Variants in DISP3 observed in about 807,000 individuals in gnomAD.
DISP3 encodes the protein dispatched RND transporter family member 3.
DISP3 carries 101 observed loss-of-function variants against 135.3 expected under a neutral mutation model. That is an observed-to-expected ratio of 0.75 (90% CI 0.64 to 0.88). The LOEUF is 0.88. DISP3 is among the 40% of genes least tolerant of loss of function. The probability of loss-of-function intolerance (pLI) is 0.00; values close to 1 mark genes in which losing one functional copy is unlikely to be tolerated. For missense variants in DISP3, 1,713 were observed against 1,878.6 expected (o/e 0.91, Z 1.63); for synonymous variants, 856 against 817.0 (o/e 1.05, Z -0.81).
intron 10 of DISP3, among the ~76,000 whole-genome samples, chr1:11,522,634 G>A (rs1642245363): frequency 7.7e-6 from 1 of 129,706 alleles, no homozygotes; most frequent in Non-Finnish European, 1.7e-5. Context: ...CCAGAGCCCA[G>A]CCAGAGCCCA....
In DISP3 at chr1:11,536,386, C is replaced by T. The variant is rs769307396; in HGVS notation, c.3879C>T (p.Ile1293=). The change falls in exon 21 of 21, where the codon ATC becomes ATT. Residue 1293 remains isoleucine (I), a synonymous_variant. Transcript: ENST00000294484. The surrounding 1 kb of genome is among the most constrained non-coding windows in gnomAD (Gnocchi z 4.3). ...CCGTGCGGCACGTGGGCGTGGCCAT[C>T]GTCTCCAGTGCCCTCACCACGGTCA... ...LEAVRHVGVA[I]VSSALTTVIA... 21 of 1,610,618 alleles carry T rather than the reference C, an allele frequency of 1.3e-5. 1 individual carries two copies. The highest frequency in any genetic ancestry group is 1.1e-5 in the South Asian group (1 of 91,094).
chr1:11,535,343 C>T, intron 19 of DISP3, 135 bp from the exon 20 acceptor site: 2 of 1,288,476 alleles, frequency 1.6e-6, no homozygotes, highest in East Asian at 2.3e-5. Context: ...CACCTGTCCC[C>T]TCCCTCAGGG....
intron 12 of DISP3, among the ~76,000 whole-genome samples, chr1:11,526,033 T>C (rs771192194): frequency 7.2e-5 from 11 of 152,146 alleles, no homozygotes; most frequent in Non-Finnish European, 1.0e-4. Flanking sequence ...GGCTCATTTG[T>C]GTTTCTTTAA....
rs1236497912 is a variant in DISP3, at chr1:11,520,760, A to C, written c.2274A>C (p.Leu758=). 1 of 1,612,868 alleles carries C rather than the reference A, an allele frequency of 6.2e-7. No homozygotes were observed. The highest frequency in any genetic ancestry group is 8.5e-7 in the Non-Finnish European group (1 of 1,179,850). Residue 758 remains leucine (L), a synonymous_variant, in exon 10 of 21, where the codon CTA becomes CTC. Transcript: ENST00000294484. The surrounding 1 kb of genome is among the most constrained non-coding windows in gnomAD (Gnocchi z 4.8). ...TCCGCCCCGCCAGCCGGGCCCCGCT[A>C]CTCTTCCGGCCTGATACCAACATCC... ...SRLRPASRAP[L]LFRPDTNIQV...
chr1:11,521,756 A>T (rs1642202354), intron 10 of DISP3, among the ~76,000 whole-genome samples: 1 of 152,140 alleles, frequency 6.6e-6, no homozygotes, highest in South Asian at 2.1e-4. Context: ...GAGGTGGGAA[A>T]GACCAATGCC....
intron 3 of DISP3, among the ~76,000 whole-genome samples, chr1:11,511,424 A>G (rs1557606267): frequency 6.6e-6 from 1 of 152,246 alleles, no homozygotes; most frequent in Non-Finnish European, 1.5e-5. Flanking sequence ...CAAAGGGGTT[A>G]CAGGGCCCAT....
intron 3 of DISP3, among the ~76,000 whole-genome samples, chr1:11,506,778 G>C (rs1006713209): frequency 2.6e-5 from 4 of 152,162 alleles, no homozygotes; most frequent in Non-Finnish European, 5.9e-5. Context: ...GTTCCTGCCT[G>C]TGGGTATACC....
rs773779306 is a variant in DISP3, at chr1:11,502,914, C to T, written c.1316+17C>T. ...GTCTACCAGGTAGGAAGTCCAGCTG[C>T]ATCCTGTGTGTGCATGCCCATTTTT... is the stretch of plus-strand genomic sequence containing the variant. On this transcript the variant is annotated intron_variant, in intron 3 of 20. Transcript: ENST00000294484. 3 of 1,596,212 alleles carry T rather than the reference C, an allele frequency of 1.9e-6. No homozygotes were observed. Among genetic ancestry groups the T allele is most frequent in the South Asian group, 2.2e-5 (2 of 89,152 alleles).
chr1:11,525,347 A>C (rs1570138465), intron 12 of DISP3, 35 bp downstream of exon 12: 1 of 1,594,552 alleles, frequency 6.3e-7, no homozygotes, highest in South Asian at 1.1e-5. Flanking sequence ...AGCCGCCACC[A>C]CTGTGGGTGG....
chr1:11,492,533 C>G (rs1218404473), intron 1 of DISP3, among the ~76,000 whole-genome samples: 1 of 152,200 alleles, frequency 6.6e-6, no homozygotes, highest in Non-Finnish European at 1.5e-5. Flanking sequence ...AGGCTCGCCA[C>G]AGAGCCCCCA....
At chr1:11,492,367 A>G (rs1377215219) in intron 1 of DISP3, among the ~76,000 whole-genome samples, 1 of 152,164 alleles carries the variant, frequency 6.6e-6, no homozygotes, top group Non-Finnish European at 1.5e-5. Flanking sequence ...ATATTGACCC[A>G]GGCAAAGCTT....
Position 11,519,287 on chromosome 1 carries a change from G to T in DISP3, c.1890-68G>T, listed in dbSNP as rs2072995. 2 of 1,531,488 alleles carry T rather than the reference G, an allele frequency of 1.3e-6. No individual in the cohort carries two copies. The highest frequency in any genetic ancestry group is 8.9e-7 in the Non-Finnish European group (1 of 1,117,654). The allele number at this position is 1,531,488 out of a possible 1,614,324, so 94.9% of individuals were successfully genotyped here. On this transcript the variant is annotated intron_variant, in intron 7 of 20. Transcript: ENST00000294484. The surrounding 1 kb of genome is among the most constrained non-coding windows in gnomAD (Gnocchi z 4.3). ...TACCTGGGTTCATCTGATCCTCAGG[G>T]CCCTGCCCCACCCTCCCTGGGTACC...
In DISP3 at chr1:11,502,191, C is replaced by T. The variant is rs989792530; in HGVS notation, c.1096+103C>T. 5 of 1,453,094 alleles carry T rather than the reference C, an allele frequency of 3.4e-6. No individual in the cohort carries two copies. The African/African-American group carries it at 4.3e-5, about 12-fold the overall frequency. The allele number at this position is 1,453,094 out of a possible 1,614,324, so 90.0% of individuals were successfully genotyped here. ...GCCCAGGCCCAGGCCCAGGCCCAGT[C>T]AGTCTGGAACTGAGTCCTGGGCATG... On this transcript the variant is annotated intron_variant, in intron 2 of 20. Transcript: ENST00000294484.
rs1640961797 is a variant in DISP3, at chr1:11,483,621, G to C, written c.-4+4249G>C. On this transcript the variant is annotated intron_variant, in intron 1 of 20. Transcript: ENST00000294484. This position sits in a 1 kb window ranked among gnomAD's most constrained non-coding sequence, Gnocchi z 5.4. ...TAAATATTTTCTTGTCGAGAAACCT[G>C]TTTATATGATGGGTTTCAAAAGAAT... Among the ~76,000 whole-genome samples the C allele has an allele frequency of 1.3e-5, 2 of 152,220 alleles. No homozygotes were observed. Among genetic ancestry groups the C allele is most frequent in the African/African-American group, 4.8e-5 (2 of 41,458 alleles).
In DISP3 at chr1:11,479,197, G is replaced by A. The variant is rs1330398020; in HGVS notation, c.-179G>A. Reference sequence around the variant, plus strand: ...CTGGGATTCGCGCGCAGCTTCCCGCGGTCTGCTTGCCCTGGAGCGGAGGGG... The same window carrying A: ...CTGGGATTCGCGCGCAGCTTCCCGCAGTCTGCTTGCCCTGGAGCGGAGGGG... On this transcript the variant is annotated 5_prime_UTR_variant, in exon 1 of 21. Transcript: ENST00000294484. 3 of 159,372 alleles carry A rather than the reference G, an allele frequency of 1.9e-5. No homozygotes were observed. Among genetic ancestry groups the A allele is most frequent in the South Asian group, 2.1e-4 (1 of 4,834 alleles). The allele number at this position is 159,372 out of a possible 1,614,324, so 9.9% of individuals were successfully genotyped here. A position where few individuals can be genotyped will look rare whatever the true frequency, so the allele number is the denominator to read the frequency against.
chr1:11,516,139 A>G lies in DISP3; in HGVS notation c.1727A>G (p.Tyr576Cys). The stretch of plus-strand genomic sequence containing the variant: ...ACCTCCCTGACCACAGCCGCCGCCT[A>G]CGCAGCTAACGTCTTCTCCCAGGTG... ...FFTSLTTAAA[Y>C]AANVFSQIPA... Residue 576 changes from tyrosine (Y) to cysteine (C), a missense_variant, in exon 6 of 21, where the codon TAC (tyrosine) becomes TGC (cysteine). Physicochemically the swap from Tyr to Cys is radical, Grantham distance 194 (BLOSUM62 -2). Around this residue, in one of 2 missense-constraint regions of DISP3, gnomAD observed 1,142 missense variants for 1,384.6 expected, o/e 0.82. Transcript: ENST00000294484. This position sits in a 1 kb window ranked among gnomAD's most constrained non-coding sequence, Gnocchi z 5.1. 1 of 1,614,086 alleles carries G rather than the reference A, an allele frequency of 6.2e-7. No individual in the cohort carries two copies.
At chr1:11,533,128 C>G (rs994384523) in intron 17 of DISP3, among the ~76,000 whole-genome samples, 6 of 151,980 alleles carry the variant, frequency 3.9e-5, no homozygotes, top group Non-Finnish European at 8.8e-5. Flanking sequence ...CTAGTAAACA[C>G]TAACTCCCCC....
chr1:11,507,188 C>T (rs542653166), intron 3 of DISP3, among the ~76,000 whole-genome samples: 10 of 152,246 alleles, frequency 6.6e-5, no homozygotes, highest in African/African-American at 1.9e-4. Flanking sequence ...CACATAGAGT[C>T]GTGGCTGATT....
intron 13 of DISP3, among the ~76,000 whole-genome samples, chr1:11,527,770 G>A (rs1411097387): frequency 6.6e-6 from 1 of 152,080 alleles, no homozygotes; most frequent in Non-Finnish European, 1.5e-5. Flanking sequence ...ACTGCTCTCT[G>A]TGCCTAGAAT....
Sources: gnomAD v4.1 joint callset for allele counts (sites outside exome capture counted in the v4.1 genomes callset) on GRCh38, gnomAD v4.1.1 for gene constraint, gnomAD v4.1.1 regional missense constraint, Gnocchi (gnomAD v3.1) non-coding constraint, MANE v1.5 for transcripts, NCBI Gene and HGNC (gene_info 2026-07-23, HGNC 2026-07-21) for gene names.